Variants in ST6GALNAC3 observed in about 807,000 individuals in gnomAD.
ST6GALNAC3 encodes the protein alpha-N-acetylgalactosaminide alpha-2,6-sialyltransferase 3.
In ST6GALNAC3, 25 loss-of-function variants were observed where a neutral mutation model predicts 32.7. The ratio of observed to expected loss-of-function variants is 0.76; its 90% CI spans 0.56 to 1.07. ST6GALNAC3 has a LOEUF of 1.07. Ranked by LOEUF, ST6GALNAC3 falls within the 50% of genes least tolerant of loss-of-function variation. The pLI is 0.00. For missense variants in ST6GALNAC3, 355 were observed against 382.4 expected (o/e 0.93, Z 0.60); for synonymous variants, 129 against 133.1 (o/e 0.97, Z 0.21).
At chr1:76,237,050 C>T (rs1326514923) in intron 1 of ST6GALNAC3, among the ~76,000 whole-genome samples, 5 of 152,118 alleles carry the variant, frequency 3.3e-5, no homozygotes, top group East Asian at 1.9e-4. Flanking sequence ...AGGGGATAGG[C>T]CACGGGGCCA....
chr1:76,592,527 C>G (rs1458411471), intron 3 of ST6GALNAC3, among the ~76,000 whole-genome samples: 2 of 152,036 alleles, frequency 1.3e-5, no homozygotes, highest in African/African-American at 4.8e-5. Flanking sequence ...CACTGGGCGT[C>G]TTATACAGAT....
intron 1 of ST6GALNAC3, among the ~76,000 whole-genome samples, chr1:76,266,065 G>T (rs1181711404): frequency 6.6e-6 from 1 of 152,194 alleles, no homozygotes. Context: ...GTTTTTCAGA[G>T]AAAGAAATTA....
chr1:76,118,849 G>T (rs1179698194), intron 1 of ST6GALNAC3, among the ~76,000 whole-genome samples: 1 of 152,088 alleles, frequency 6.6e-6, no homozygotes, highest in Non-Finnish European at 1.5e-5. Flanking sequence ...TTGAGGTGGA[G>T]TCTCACTCTG....
At chr1:76,108,868 G>A (rs1262059881) in intron 1 of ST6GALNAC3, among the ~76,000 whole-genome samples, 1 of 23,448 alleles carries the variant, frequency 4.3e-5, no homozygotes, top group African/African-American at 2.2e-4. Context: ...CATAGTGTGT[G>A]TGTGTGTGTG....
intron 1 of ST6GALNAC3, among the ~76,000 whole-genome samples, chr1:76,149,373 T>C (rs983866984): frequency 5.9e-5 from 9 of 152,088 alleles, no homozygotes; most frequent in Non-Finnish European, 1.0e-4. Flanking sequence ...TGGGAAAGAG[T>C]ATATTCCCAG....
Position 76,634,279 on chromosome 1 carries a change from A to T in ST6GALNAC3, c.*5473A>T, listed in dbSNP as rs1041003584. ...TGAGAGCTATTTCTAAGAAACTTCA[A>T]AAAGATCAAAACGAGGCAATTTTAT... On this transcript the variant is annotated 3_prime_UTR_variant, in exon 5 of 5. Coordinates refer to ENST00000328299, the MANE Select transcript of ST6GALNAC3 (RefSeq NM_152996.4). 8.7e-6 allele frequency: 5 copies of T among 577,036 alleles called. No homozygotes were observed. The African/African-American group carries it at 1.0e-4, about 12-fold the overall frequency. 35.7% of individuals were successfully genotyped at this position (577,036 alleles called of 1,614,324 possible). A position where few individuals can be genotyped will look rare whatever the true frequency, so the allele number is the denominator to read the frequency against.
At chr1:76,623,144 T>A (rs1255309013) in intron 3 of ST6GALNAC3, among the ~76,000 whole-genome samples, 1 of 151,938 alleles carries the variant, frequency 6.6e-6, no homozygotes, top group Non-Finnish European at 1.5e-5. Context: ...TTATATTTTA[T>A]TGAAATAAAC....
chr1:76,191,645 AT>A (rs1653903159), intron 1 of ST6GALNAC3, among the ~76,000 whole-genome samples: 1 of 152,282 alleles, frequency 6.6e-6, no homozygotes, highest in Middle Eastern at 3.4e-3. Flanking sequence ...CCCCATAAAT[AT>A]GTAAAATTAC....
intron 2 of ST6GALNAC3, among the ~76,000 whole-genome samples, chr1:76,407,174 C>T (rs1653893873): frequency 6.6e-6 from 1 of 152,040 alleles, no homozygotes. Flanking sequence ...TCTAAAACAG[C>T]ATACGAATTG....
At chr1:76,304,044 T>C (rs911068400) in intron 1 of ST6GALNAC3, among the ~76,000 whole-genome samples, 1 of 151,964 alleles carries the variant, frequency 6.6e-6, no homozygotes, top group Non-Finnish European at 1.5e-5. Context: ...AAAAAGAAAA[T>C]TGCCTTTTTT....
intron 3 of ST6GALNAC3, among the ~76,000 whole-genome samples, chr1:76,611,300 C>G (rs956943850): frequency 1.3e-5 from 2 of 151,938 alleles, no homozygotes; most frequent in Non-Finnish European, 2.9e-5. Flanking sequence ...TGCCAGTGTT[C>G]TCTATTTGTT....
At chr1:76,618,148 G>T (rs550997008) in intron 3 of ST6GALNAC3, among the ~76,000 whole-genome samples, 1 of 152,146 alleles carries the variant, frequency 6.6e-6, no homozygotes, top group South Asian at 2.1e-4. Context: ...CGCCTACCTA[G>T]ACCAATCCTC....
intron 3 of ST6GALNAC3, among the ~76,000 whole-genome samples, chr1:76,561,483 G>A (rs565670432): frequency 6.6e-5 from 10 of 151,934 alleles, no homozygotes; most frequent in South Asian, 6.2e-4. Flanking sequence ...GCCATCTCCC[G>A]AAAGAAGATA....
intron 1 of ST6GALNAC3, among the ~76,000 whole-genome samples, chr1:76,262,348 G>A (rs1439767785): frequency 6.6e-6 from 1 of 151,944 alleles, no homozygotes; most frequent in African/African-American, 2.4e-5. Context: ...TCCATGGCAG[G>A]CTGTGGTGAC....
At chr1:76,505,437 A>T (rs1661424077) in intron 3 of ST6GALNAC3, among the ~76,000 whole-genome samples, 1 of 152,166 alleles carries the variant, frequency 6.6e-6, no homozygotes, top group African/African-American at 2.4e-5. Flanking sequence ...AACTATTTTT[A>T]AAATTTGGGT....
At chr1:76,111,645 C>G (rs555686117) in intron 1 of ST6GALNAC3, among the ~76,000 whole-genome samples, 13 of 149,636 alleles carry the variant, frequency 8.7e-5, no homozygotes, top group South Asian at 2.2e-4. Context: ...TGACTCTTAA[C>G]GAGCATGCTG....
chr1:76,498,536 G>A (rs1287838920), intron 3 of ST6GALNAC3, among the ~76,000 whole-genome samples: 1 of 152,168 alleles, frequency 6.6e-6, no homozygotes, highest in East Asian at 1.9e-4. Flanking sequence ...GCTTGAAGCT[G>A]ATTTAGTTGA....
At chr1:76,306,072 T>C (rs1223669336) in intron 1 of ST6GALNAC3, 11 of 323,208 alleles carry the variant, frequency 3.4e-5, no homozygotes, top group Non-Finnish European at 5.6e-5. Context: ...ACCTAATTCA[T>C]ATGGAAAATT....
intron 3 of ST6GALNAC3, among the ~76,000 whole-genome samples, chr1:76,496,873 C>G (rs75325512): frequency 0.037 from 5,570 of 152,236 alleles, 153 homozygotes; most frequent in Non-Finnish European, 0.053. Context: ...ATGTCTGCAT[C>G]CTGAAGTCAC....
Sources: allele counts gnomAD v4.1 joint callset (sites outside exome capture counted in the v4.1 genomes callset), GRCh38; gene constraint gnomAD v4.1.1; transcripts MANE v1.5; gene names NCBI Gene and HGNC (gene_info 2026-07-23, HGNC 2026-07-21).